ADGRG7: variants seen among roughly 807,000 people sequenced by gnomAD.
The protein encoded by ADGRG7 is adhesion G protein-coupled receptor G7.
A neutral mutation model predicts 88.6 loss-of-function variants in ADGRG7; 82 were observed. The observed-to-expected ratio is 0.93, with a 90% CI of 0.77 to 1.11. ADGRG7 has a LOEUF of 1.11. ADGRG7 is among the 50% of genes most tolerant of loss of function. ADGRG7 has a pLI of 0.00. For synonymous variants in ADGRG7, 381 were observed against 345.2 expected, an observed-to-expected ratio of 1.10 and a Z score of -1.15; for missense variants, 945 against 953.4, an observed-to-expected ratio of 0.99 and a Z score of 0.12.
chr3:100,612,794 A>T (rs1018282014), intron 1 of ADGRG7, among the ~76,000 whole-genome samples: 5 of 152,162 alleles, frequency 3.3e-5, no homozygotes, highest in African/African-American at 9.7e-5. Flanking sequence ...CTATCACAGG[A>T]TACACCTGTT....
chr3:100,658,248 T>C lies in ADGRG7; in HGVS notation c.1824-1440T>C, dbSNP rs115425332. On this transcript the variant is annotated intron_variant, in intron 13 of 15. Transcript: ENST00000273352. ...TTTAAATATATCAGGAATCAGACTA[T>C]TTCTTAACATCTCCTCTCCTGGTCC... Among the ~76,000 whole-genome samples, 577 of 152,356 alleles carry C rather than the reference T, an allele frequency of 3.8e-3. 5 individuals carry two copies. Among genetic ancestry groups the C allele is most frequent in the African/African-American group, 0.013 (557 of 41,584 alleles).
chr3:100,687,284 G>A (rs1215453178), intron 15 of ADGRG7, among the ~76,000 whole-genome samples: 3 of 152,154 alleles, frequency 2.0e-5, no homozygotes, highest in Non-Finnish European at 4.4e-5. Flanking sequence ...GGGCTGAGAT[G>A]ATGGGGTTTT....
chr3:100,679,102 T>A (rs1446990673), intron 15 of ADGRG7, among the ~76,000 whole-genome samples: 1 of 152,202 alleles, frequency 6.6e-6, no homozygotes, highest in Non-Finnish European at 1.5e-5. Flanking sequence ...ACCCAGGGCC[T>A]GTAGTTAGGA....
intron 8 of ADGRG7, among the ~76,000 whole-genome samples, chr3:100,645,633 A>G (rs550652236): frequency 6.7e-4 from 102 of 152,310 alleles, no homozygotes; most frequent in Non-Finnish European, 7.9e-4. Flanking sequence ...GTATAAAGCA[A>G]GACGTTTACT....
chr3:100,694,885 T>C lies in ADGRG7; in HGVS notation c.2278T>C (p.Tyr760His). The change falls in exon 16 of 16, where the codon TAT (tyrosine) becomes CAT (histidine). Residue 760 changes from tyrosine to histidine, a missense_variant. Physicochemically the swap from Tyr to His is moderately conservative, Grantham distance 83 (BLOSUM62 2). Transcript: ENST00000273352. ...VTRPRLRVKM[Y>H]NFLRSLPTLH... ...GCGGCCGAGGCTGCGTGTAAAGATGTATAATTTCCTCAGGTCATTGCCAAC... is the reference window on the plus strand; with the variant it reads ...GCGGCCGAGGCTGCGTGTAAAGATGCATAATTTCCTCAGGTCATTGCCAAC... The C allele has an allele frequency of 6.2e-7, 1 of 1,614,198 alleles. No individual in the cohort carries two copies. Among genetic ancestry groups the C allele is most frequent in the Non-Finnish European group, 8.5e-7 (1 of 1,180,034 alleles).
At chr3:100,678,788 T>C (rs1214268057) in intron 15 of ADGRG7, among the ~76,000 whole-genome samples, 1 of 152,226 alleles carries the variant, frequency 6.6e-6, no homozygotes, top group Non-Finnish European at 1.5e-5. Context: ...ATTATTTTCC[T>C]GCAAGCAAAC....
intron 8 of ADGRG7, among the ~76,000 whole-genome samples, chr3:100,645,557 A>G (rs1425245363): frequency 2.0e-5 from 3 of 152,204 alleles, no homozygotes. Flanking sequence ...CTCATATTTT[A>G]TCATTGCAGG....
chr3:100,635,500 G>C, intron 4 of ADGRG7, 177 bp from the exon 5 acceptor site: 1 of 1,373,780 alleles, frequency 7.3e-7, no homozygotes, highest in South Asian at 1.7e-5. Context: ...AAAACCACTG[G>C]TCTGCATGTA....
intron 15 of ADGRG7, among the ~76,000 whole-genome samples, chr3:100,683,800 G>A (rs1300811493): frequency 1.3e-5 from 2 of 152,146 alleles, no homozygotes; most frequent in African/African-American, 4.8e-5. Context: ...ACTTTTTGAA[G>A]GTGCTTGTTA....
intron 14 of ADGRG7, among the ~76,000 whole-genome samples, chr3:100,666,445 T>C (rs763529929): frequency 6.6e-6 from 1 of 152,210 alleles, no homozygotes; most frequent in Non-Finnish European, 1.5e-5. Context: ...GATTAAGTGC[T>C]GTGCTTTTAG....
intron 15 of ADGRG7, among the ~76,000 whole-genome samples, chr3:100,673,572 C>T (rs2094961370): frequency 6.6e-6 from 1 of 151,828 alleles, no homozygotes; most frequent in Non-Finnish European, 1.5e-5. Context: ...GGAGATTCTC[C>T]TGCCTCAGCC....
chr3:100,663,272 C>A (rs1014250983), intron 14 of ADGRG7, among the ~76,000 whole-genome samples: 3 of 152,136 alleles, frequency 2.0e-5, no homozygotes, highest in Admixed American at 6.6e-5. Flanking sequence ...GCACTAGTTT[C>A]TCTTATTGCT....
chr3:100,655,445 T>G lies in ADGRG7; in HGVS notation c.1726+264T>G, dbSNP rs148087731. Among the ~76,000 whole-genome samples, 3 of 152,350 alleles carry G rather than the reference T, an allele frequency of 2.0e-5. No individual in the cohort carries two copies. In the East Asian group the frequency reaches 5.8e-4, roughly 29 times the overall value. Reference sequence around the variant, plus strand: ...AATTTCCTTTAACATCTCTTTTTATTAATTTGATTTGAGATTTAGCCACAA... The same window carrying G: ...AATTTCCTTTAACATCTCTTTTTATGAATTTGATTTGAGATTTAGCCACAA... On this transcript the variant is annotated intron_variant, in intron 12 of 15. Coordinates refer to ENST00000273352, the MANE Select transcript of ADGRG7 (RefSeq NM_032787.3).
intron 14 of ADGRG7, 87 bp downstream of exon 14, chr3:100,659,930 C>A: frequency 7.7e-7 from 1 of 1,295,498 alleles, no homozygotes; most frequent in Non-Finnish European, 1.1e-6. Context: ...GTTTCAGAAG[C>A]TTTCAAACTG....
intron 1 of ADGRG7, among the ~76,000 whole-genome samples, chr3:100,621,364 A>G (rs1021996633): frequency 6.6e-6 from 1 of 152,244 alleles, no homozygotes; most frequent in Non-Finnish European, 1.5e-5. Flanking sequence ...CCAAATTGTG[A>G]TTGCAAAGGA....
chr3:100,694,930 C>T lies in ADGRG7; in HGVS notation c.2323C>T (p.Leu775=). Residue 775 remains leucine (L), a synonymous_variant, in exon 16 of 16, where the codon CTA becomes TTA. Coordinates refer to ENST00000273352, the MANE Select transcript of ADGRG7 (RefSeq NM_032787.3). The stretch of plus-strand genomic sequence containing the variant: ...GCCAACCTTACATGAACGCTTTAGG[C>T]TACTGGAAACCTCTCCGAGTACTGA... ...SLPTLHERFR[L]LETSPSTEEI... 2.5e-6 allele frequency: 4 copies of T among 1,614,128 alleles called. No individual in the cohort carries two copies. The highest frequency in any genetic ancestry group is 3.4e-6 in the Non-Finnish European group (4 of 1,180,000).
chr3:100,641,765 G>A (rs993881947), intron 6 of ADGRG7, among the ~76,000 whole-genome samples: 4 of 152,188 alleles, frequency 2.6e-5, no homozygotes, highest in African/African-American at 4.8e-5. Context: ...GGAGTTTACA[G>A]GTCTTTTCTT....
rs767998984 is a variant in ADGRG7 at position 100,646,091 on chromosome 3, A to G, written c.1093A>G (p.Met365Val). 16 of 1,613,568 alleles carry G rather than the reference A, an allele frequency of 9.9e-6. No individual in the cohort carries two copies. The highest frequency in any genetic ancestry group is 1.7e-6 in the Non-Finnish European group (2 of 1,179,914). ...GCAAGATCAGAGTGCTTCTGTTGAC[A>G]TGGTCTTTAGTCCAAAGGTGAGTTT... The part of the protein sequence containing the change: ...NEQDQSASVD[M>V]VFSPKYNQKE... The change falls in exon 9 of 16, where the codon ATG becomes GTG. Residue 365 changes from methionine to valine, a missense_variant. Transcript: ENST00000273352.
chr3:100,633,171 A>G (rs964886900), intron 3 of ADGRG7, 94 bp from the exon 4 acceptor site: 2 of 539,836 alleles, frequency 3.7e-6, no homozygotes, highest in African/African-American at 2.0e-5. Context: ...TTAATAAATT[A>G]TAACTTTTAA....
Sources: allele counts gnomAD v4.1 joint callset (sites outside exome capture counted in the v4.1 genomes callset), GRCh38; gene constraint gnomAD v4.1.1; transcripts MANE v1.5; gene names NCBI Gene and HGNC (gene_info 2026-07-23, HGNC 2026-07-21).